KCNJ4: variants seen among roughly 807,000 people sequenced by gnomAD.
The protein encoded by KCNJ4 is inward rectifier potassium channel 4.
KCNJ4 carries 3 observed loss-of-function variants against 25.6 expected under a neutral mutation model. The ratio of observed to expected loss-of-function variants is 0.12; its 90% CI spans 0.05 to 0.30. The LOEUF is 0.30. Among genes scored for constraint, KCNJ4 ranks in the 10% least tolerant of loss-of-function variants. KCNJ4 has a pLI of 1.00. For synonymous variants in KCNJ4, 257 were observed against 283.9 expected, an observed-to-expected ratio of 0.91 and a Z score of 0.95; for missense variants, 286 against 666.8, an observed-to-expected ratio of 0.43 and a Z score of 6.29.
chr22:38,441,859 G>A (rs1023570228), intron 1 of KCNJ4, among the ~76,000 whole-genome samples: 1 of 152,220 alleles, frequency 6.6e-6, no homozygotes, highest in African/African-American at 2.4e-5. Flanking sequence ...TCCACGAATG[G>A]CACAGCACAC....
intron 1 of KCNJ4, among the ~76,000 whole-genome samples, chr22:38,451,023 C>T (rs1019823403): frequency 6.6e-6 from 1 of 152,132 alleles, no homozygotes; most frequent in Non-Finnish European, 1.5e-5. Flanking sequence ...TTCTCTGAGC[C>T]ATGGCCCTTC....
intron 1 of KCNJ4, among the ~76,000 whole-genome samples, chr22:38,452,667 G>A (rs1048761887): frequency 6.6e-6 from 1 of 152,142 alleles, no homozygotes; most frequent in Non-Finnish European, 1.5e-5. Context: ...GGAGAGGCAT[G>A]AAAAGTGGAG....
chr22:38,451,433 G>A (rs1356041331), intron 1 of KCNJ4, among the ~76,000 whole-genome samples: 1 of 152,194 alleles, frequency 6.6e-6, no homozygotes. Context: ...GGGACTGCCT[G>A]AAACTGGCTT....
Position 38,439,288 on chromosome 22 carries a change from C to T in KCNJ4, c.-39-11117G>A, listed in dbSNP as rs187336861. Reference sequence around the variant, plus strand: ...CTCTACTAAAAATACAAAAACTAGCCGGGCATGGTGGTGGGCATCTGTAAT... The same window carrying T: ...CTCTACTAAAAATACAAAAACTAGCTGGGCATGGTGGTGGGCATCTGTAAT... On this transcript the variant is annotated intron_variant, in intron 1 of 1. Coordinates refer to ENST00000303592, the MANE Select transcript of KCNJ4 (RefSeq NM_152868.3). 2.3e-4 allele frequency among the ~76,000 whole-genome samples: 35 copies of T among 151,930 alleles called. No homozygotes were observed. The East Asian group carries it at 6.0e-3, about 26-fold the overall frequency.
intron 1 of KCNJ4, among the ~76,000 whole-genome samples, chr22:38,452,964 A>G (rs960877133): frequency 2.7e-5 from 4 of 148,652 alleles, no homozygotes; most frequent in Admixed American, 1.3e-4. Context: ...TGTCGCTTAC[A>G]TGTCCTCGTG....
Position 38,426,751 on chromosome 22 carries a change from C to A in KCNJ4, c.*44G>T. 1 of 1,559,546 alleles carries A rather than the reference C, an allele frequency of 6.4e-7. No individual in the cohort carries two copies. Among genetic ancestry groups the A allele is most frequent in the South Asian group, 1.2e-5 (1 of 82,624 alleles). On this transcript the variant is annotated 3_prime_UTR_variant, in exon 2 of 2. Coordinates refer to ENST00000303592, the MANE Select transcript of KCNJ4 (RefSeq NM_152868.3). ...AGGGGGTGTCCTGGCATCCCACCCCCGGCAGAGGCTCTTGTGGGCAGTGGT... is the reference window on the plus strand; with the variant it reads ...AGGGGGTGTCCTGGCATCCCACCCCAGGCAGAGGCTCTTGTGGGCAGTGGT...
intron 1 of KCNJ4, among the ~76,000 whole-genome samples, chr22:38,450,605 C>T (rs190324948): frequency 6.6e-6 from 1 of 152,334 alleles, no homozygotes; most frequent in East Asian, 1.9e-4. Flanking sequence ...CCTCATGCCA[C>T]CACCGTCAGC....
At chr22:38,437,580 G>A (rs1261445667) in intron 1 of KCNJ4, among the ~76,000 whole-genome samples, 26 of 152,246 alleles carry the variant, frequency 1.7e-4, no homozygotes. Context: ...TTATGCAAGA[G>A]CTGGAGAGAC....
chr22:38,449,255 C>T lies in KCNJ4; in HGVS notation c.-40+5725G>A, dbSNP rs2089395956. ...CCAATGAGGGTCCTGGAGGGGCTGG[C>T]ACTGGGTGCACAGTAGGACAAAGCA... is the stretch of plus-strand genomic sequence containing the variant. On this transcript the variant is annotated intron_variant, in intron 1 of 1. Coordinates refer to ENST00000303592, the MANE Select transcript of KCNJ4 (RefSeq NM_152868.3). The surrounding 1 kb of genome is among the most constrained non-coding windows in gnomAD (Gnocchi z 5.2). 6.6e-6 allele frequency among the ~76,000 whole-genome samples: 1 copy of T among 152,188 alleles called. No homozygotes were observed. The highest frequency in any genetic ancestry group is 1.9e-4 in the East Asian group (1 of 5,198).
chr22:38,439,545 G>A (rs1337152628), intron 1 of KCNJ4, among the ~76,000 whole-genome samples: 1 of 152,152 alleles, frequency 6.6e-6, no homozygotes, highest in Non-Finnish European at 1.5e-5. Flanking sequence ...GGGAGGCCAA[G>A]GCAGGCAGAT....
intron 1 of KCNJ4, among the ~76,000 whole-genome samples, chr22:38,452,345 G>C (rs369909127): frequency 6.6e-6 from 1 of 152,174 alleles, no homozygotes; most frequent in East Asian, 1.9e-4. Flanking sequence ...ACCCAGACAG[G>C]GGGCTGGCAA....
intron 1 of KCNJ4, among the ~76,000 whole-genome samples, chr22:38,451,239 G>A (rs555421037): frequency 1.3e-5 from 2 of 152,264 alleles, no homozygotes; most frequent in South Asian, 2.1e-4. Flanking sequence ...GGCCTCACCC[G>A]TAAGGCGAGA....
At chr22:38,438,414 G>A (rs1466191290) in intron 1 of KCNJ4, among the ~76,000 whole-genome samples, 3 of 149,688 alleles carry the variant, frequency 2.0e-5, no homozygotes, top group Non-Finnish European at 4.4e-5. Context: ...AAAGGGCCTG[G>A]TGCGATGGCT....
At chr22:38,448,090 GA>G (rs1424881267) in intron 1 of KCNJ4, among the ~76,000 whole-genome samples, 8 of 148,272 alleles carry the variant, frequency 5.4e-5, no homozygotes, top group Admixed American at 1.3e-4. Context: ...GAAAAGAAAA[GA>G]AAAAAGTAGC....
Position 38,443,650 on chromosome 22 carries a change from GTCA to G in KCNJ4, c.-40+11327_-40+11329del, listed in dbSNP as rs2089353223. Among the ~76,000 whole-genome samples the G allele has an allele frequency of 6.6e-6, 1 of 152,230 alleles. No individual in the cohort carries two copies. The highest frequency in any genetic ancestry group is 1.5e-5 in the Non-Finnish European group (1 of 68,040). On this transcript the variant is annotated intron_variant, in intron 1 of 1. Coordinates refer to ENST00000303592, the MANE Select transcript of KCNJ4 (RefSeq NM_152868.3). This position sits in a 1 kb window ranked among gnomAD's most constrained non-coding sequence, Gnocchi z 4.1. ...GGTCCACACCTGCAAGGCAGGTGCT[GTCA>G]TCATCATCCCACAGTGGGCTTGGGA...
rs537337148 is a variant in KCNJ4, at chr22:38,451,229, G to A, written c.-40+3751C>T. Among the ~76,000 whole-genome samples the A allele has an allele frequency of 3.3e-5, 5 of 152,194 alleles. No individual in the cohort carries two copies. In the South Asian group the frequency reaches 1.0e-3, roughly 32 times the overall value. Reference sequence around the variant, plus strand: ...GATTTTGGAAGTGGGGATGTTATTCGGCCTCACCCGTAAGGCGAGAGTCAC... The same window carrying A: ...GATTTTGGAAGTGGGGATGTTATTCAGCCTCACCCGTAAGGCGAGAGTCAC... On this transcript the variant is annotated intron_variant, in intron 1 of 1. Coordinates refer to ENST00000303592, the MANE Select transcript of KCNJ4 (RefSeq NM_152868.3).
At chr22:38,435,554 G>A (rs923270772) in intron 1 of KCNJ4, among the ~76,000 whole-genome samples, 1 of 152,002 alleles carries the variant, frequency 6.6e-6, no homozygotes, top group Non-Finnish European at 1.5e-5. Context: ...TTAGCCAGGC[G>A]TGGTGGCAAG....
At chr22:38,431,912 G>A (rs1039303585) in intron 1 of KCNJ4, among the ~76,000 whole-genome samples, 2 of 151,886 alleles carry the variant, frequency 1.3e-5, no homozygotes, top group African/African-American at 4.8e-5. Flanking sequence ...GGGTCAAAAG[G>A]CCTTGACAAT....
chr22:38,427,209 C>G lies in KCNJ4; in HGVS notation c.924G>C (p.Leu308=). 1 of 1,613,492 alleles carries G rather than the reference C, an allele frequency of 6.2e-7. No individual in the cohort carries two copies. Among genetic ancestry groups the G allele is most frequent in the Non-Finnish European group, 8.5e-7 (1 of 1,180,024 alleles). Reference sequence around the variant, plus strand: ...GGTGGCCCCACAGGATCTCGCTGGCCAGGTAGGAGCTGCGGGCCTGGGTGG... The same window carrying G: ...GGTGGCCCCACAGGATCTCGCTGGCGAGGTAGGAGCTGCGGGCCTGGGTGG... ...AMTTQARSSY[L]ASEILWGHRF... is the part of the protein sequence containing the mutation. Residue 308 remains leucine, a synonymous_variant, in exon 2 of 2, where the codon CTG becomes CTC. Transcript: ENST00000303592.
Sources: gnomAD v4.1 joint callset for allele counts (sites outside exome capture counted in the v4.1 genomes callset) on GRCh38, gnomAD v4.1.1 for gene constraint, Gnocchi (gnomAD v3.1) non-coding constraint, MANE v1.5 for transcripts, NCBI Gene and HGNC (gene_info 2026-07-23, HGNC 2026-07-21) for gene names.